AGBL4: variants seen among roughly 807,000 people sequenced by gnomAD.
AGBL4 encodes cytosolic carboxypeptidase 6.
Under a neutral mutation model 66.4 loss-of-function variants are expected in AGBL4, and 58 were observed. The ratio of observed to expected loss-of-function variants is 0.87; its 90% CI spans 0.71 to 1.09. The LOEUF (loss-of-function observed/expected upper bound fraction) is 1.09. Ranked by LOEUF, AGBL4 falls within the 50% of genes least tolerant of loss-of-function variation. AGBL4 has a pLI of 0.00. For missense variants in AGBL4, 579 were observed against 631.0 expected, an observed-to-expected ratio of 0.92 and a Z score of 0.88; for synonymous variants, 234 against 222.9, an observed-to-expected ratio of 1.05 and a Z score of -0.44.
intron 11 of AGBL4, among the ~76,000 whole-genome samples, chr1:48,547,286 G>A (rs1319392426): frequency 1.3e-5 from 2 of 152,150 alleles, no homozygotes; most frequent in South Asian, 2.1e-4. Flanking sequence ...AGCTAGGGAC[G>A]ACTGCAATGG....
intron 3 of AGBL4, among the ~76,000 whole-genome samples, chr1:49,346,855 C>A (rs970555070): frequency 2.0e-4 from 30 of 152,148 alleles, no homozygotes. Context: ...TGAATAGAAG[C>A]TGGGTAAAAT....
chr1:49,614,474 T>A (rs1311492245), intron 3 of AGBL4, among the ~76,000 whole-genome samples: 2 of 152,200 alleles, frequency 1.3e-5, no homozygotes, highest in Admixed American at 6.5e-5. Context: ...ATTTGAATAA[T>A]TTCCAAAATT....
At chr1:48,675,331 G>T (rs1646347716) in intron 6 of AGBL4, among the ~76,000 whole-genome samples, 1 of 152,186 alleles carries the variant, frequency 6.6e-6, no homozygotes, top group Non-Finnish European at 1.5e-5. Flanking sequence ...GAAATTCTGG[G>T]ATGAGAAGAA....
At position 49,147,192 on chromosome 1, in the gene AGBL4, C is replaced by T. The variant is rs116563209; in HGVS notation, c.377+98578G>A. ...CAGAATGACATCTGAAAATCCATGC[C>T]CTGGAGACTCTGGGGTAGGACACAA... On this transcript the variant is annotated intron_variant, in intron 4 of 13. Transcript: ENST00000371839. Among the ~76,000 whole-genome samples, 586 of 152,098 alleles carry T rather than the reference C, an allele frequency of 3.9e-3. 1 individual carries two copies. The highest frequency in any genetic ancestry group is 0.013 in the African/African-American group (544 of 41,496).
At chr1:48,545,068 A>G (rs1219623594) in intron 11 of AGBL4, among the ~76,000 whole-genome samples, 2 of 152,208 alleles carry the variant, frequency 1.3e-5, no homozygotes, top group Non-Finnish European at 2.9e-5. Context: ...TTGATGAATA[A>G]CATAGGGGTT....
At chr1:49,620,851 A>T (rs980347762) in intron 3 of AGBL4, among the ~76,000 whole-genome samples, 3 of 152,146 alleles carry the variant, frequency 2.0e-5, no homozygotes, top group African/African-American at 7.2e-5. Context: ...ACTTTTATGT[A>T]ACCAAATCAA....
chr1:48,966,700 T>C (rs1658450324), intron 5 of AGBL4, among the ~76,000 whole-genome samples: 1 of 152,112 alleles, frequency 6.6e-6, no homozygotes, highest in Non-Finnish European at 1.5e-5. Context: ...ATAAGTGACA[T>C]TGGGCAAAGC....
At chr1:48,813,039 A>C (rs1646091496) in intron 6 of AGBL4, among the ~76,000 whole-genome samples, 1 of 152,102 alleles carries the variant, frequency 6.6e-6, no homozygotes, top group Non-Finnish European at 1.5e-5. Flanking sequence ...GCAGCACACC[A>C]ACATGGCACA....
At chr1:49,400,678 C>A (rs1164210262) in intron 3 of AGBL4, among the ~76,000 whole-genome samples, 1 of 152,100 alleles carries the variant, frequency 6.6e-6, no homozygotes, top group African/African-American at 2.4e-5. Flanking sequence ...TCGCTGCTGG[C>A]ACATGAAAAT....
chr1:49,285,734 T>C (rs1244614471), intron 3 of AGBL4, among the ~76,000 whole-genome samples: 2 of 152,154 alleles, frequency 1.3e-5, no homozygotes, highest in Non-Finnish European at 2.9e-5. Flanking sequence ...CAGAGAATAC[T>C]ACAAACACCT....
chr1:48,750,898 C>G (rs1042609320), intron 6 of AGBL4, among the ~76,000 whole-genome samples: 3 of 151,976 alleles, frequency 2.0e-5, no homozygotes, highest in African/African-American at 7.3e-5. Flanking sequence ...TAAGAATTAC[C>G]CCCCACACTC....
At position 49,498,465 on chromosome 1, in the gene AGBL4, T is replaced by A. The variant is rs75194067; in HGVS notation, c.282+198848A>T. ...TGTGCCTGGATTATTTCACTTAGCA[T>A]AATGTCCTCCAGGTCCATCCAGGTT... On this transcript the variant is annotated intron_variant, in intron 3 of 13. Coordinates refer to ENST00000371839, the MANE Select transcript of AGBL4 (RefSeq NM_032785.4). Among the ~76,000 whole-genome samples the A allele has an allele frequency of 7.0e-3, 1,070 of 151,910 alleles. 12 individuals carry two copies. Among genetic ancestry groups the A allele is most frequent in the South Asian group, 0.029 (140 of 4,814 alleles).
At chr1:48,851,932 A>C (rs1006681855) in intron 6 of AGBL4, among the ~76,000 whole-genome samples, 8 of 151,266 alleles carry the variant, frequency 5.3e-5, no homozygotes, top group Non-Finnish European at 1.2e-4. Context: ...AAAAAAAGAG[A>C]TATCTGTGGT....
At chr1:49,810,212 G>C (rs1471156334) in intron 2 of AGBL4, among the ~76,000 whole-genome samples, 1 of 152,090 alleles carries the variant, frequency 6.6e-6, no homozygotes, top group African/African-American at 2.4e-5. Context: ...GACAGAATTT[G>C]AACTGAAGTC....
chr1:48,962,281 C>G (rs867677861), intron 5 of AGBL4, among the ~76,000 whole-genome samples: 1 of 152,218 alleles, frequency 6.6e-6, no homozygotes, highest in Non-Finnish European at 1.5e-5. Flanking sequence ...AGTAATAATA[C>G]TACCTATTTC....
chr1:49,772,731 G>A (rs941804446), intron 2 of AGBL4, among the ~76,000 whole-genome samples: 1 of 152,156 alleles, frequency 6.6e-6, no homozygotes, highest in Non-Finnish European at 1.5e-5. Flanking sequence ...ATCTAATGAG[G>A]ATTCTCTTAT....
rs1283366187 is a variant in AGBL4 at position 49,856,257 on chromosome 1, C to T, written c.35-4739G>A. On this transcript the variant is annotated intron_variant, in intron 1 of 13. Coordinates refer to ENST00000371839, the MANE Select transcript of AGBL4 (RefSeq NM_032785.4). ...ATTGAATGAGTAATTTTAAAAACTT[C>T]CCAATGAAGAAAGCACAGGAACAAA... is the stretch of plus-strand genomic sequence containing the variant. Among the ~76,000 whole-genome samples the T allele has an allele frequency of 2.6e-4, 39 of 151,984 alleles. 1 individual carries two copies. The highest frequency in any genetic ancestry group is 2.6e-3 in the Admixed American group (39 of 15,264).
chr1:49,096,456 T>C (rs1645104719), intron 4 of AGBL4, among the ~76,000 whole-genome samples: 1 of 151,588 alleles, frequency 6.6e-6, no homozygotes, highest in Non-Finnish European at 1.5e-5. Flanking sequence ...CCAACAATGA[T>C]AGACTGGATT....
intron 4 of AGBL4, among the ~76,000 whole-genome samples, chr1:49,139,395 A>T (rs1353553012): frequency 6.6e-6 from 1 of 152,118 alleles, no homozygotes; most frequent in Admixed American, 6.6e-5. Flanking sequence ...CTACCAATCC[A>T]TTCATCCATT....
Sources: allele counts gnomAD v4.1 joint callset (sites outside exome capture counted in the v4.1 genomes callset), GRCh38; gene constraint gnomAD v4.1.1; transcripts MANE v1.5; gene names NCBI Gene and HGNC (gene_info 2026-07-23, HGNC 2026-07-21).